CS: variants seen among roughly 807,000 people sequenced by gnomAD.
CS encodes the protein citrate synthase, mitochondrial.
In CS, 13 loss-of-function variants were observed where a neutral mutation model predicts 61.4. The observed-to-expected ratio is 0.21, with a 90% CI of 0.14 to 0.34. The LOEUF is 0.34. Ranked by LOEUF, CS falls within the 10% of genes least tolerant of loss-of-function variation. The probability of loss-of-function intolerance (pLI) is 1.00; values close to 1 mark genes in which losing one functional copy is unlikely to be tolerated. For missense variants in CS, 278 were observed against 573.4 expected, an observed-to-expected ratio of 0.48 and a Z score of 5.26; for synonymous variants, 159 against 215.2, an observed-to-expected ratio of 0.74 and a Z score of 2.29.
intron 1 of CS, among the ~76,000 whole-genome samples, chr12:56,287,423 A>C (rs1872971883): frequency 7.5e-6 from 1 of 133,532 alleles, no homozygotes. Context: ...CAGAGGTTGC[A>C]GTGAGCCAAG....
At chr12:56,273,911 G>T in intron 9 of CS, 115 bp from the exon 10 acceptor site, 2 of 871,328 alleles carry the variant, frequency 2.3e-6, no homozygotes, top group Non-Finnish European at 1.8e-6. Context: ...ACATCTCACG[G>T]CAGCCTCGAC....
At chr12:56,280,204 A>T (rs1361174643) in intron 6 of CS, among the ~76,000 whole-genome samples, 1 of 152,008 alleles carries the variant, frequency 6.6e-6, no homozygotes, top group East Asian at 1.9e-4. Context: ...TCACGAGGTC[A>T]GAGGTTCGAG....
At chr12:56,274,655 G>A in intron 9 of CS, 122 bp downstream of exon 9, 1 of 748,200 alleles carries the variant, frequency 1.3e-6, no homozygotes, top group Non-Finnish European at 2.1e-6. Context: ...ATTCTTCAAG[G>A]TAGATAAATG....
Position 56,271,937 on chromosome 12 carries a change from G to A in CS, c.*1147C>T, listed in dbSNP as rs1175205756. On this transcript the variant is annotated 3_prime_UTR_variant, in exon 11 of 11. Coordinates refer to ENST00000351328, the MANE Select transcript of CS (RefSeq NM_004077.3). ...GCATTCTGAGTTGCTGAAAACCTGT[G>A]CAAATGGGGCTTCTGAAACATTGTA... The A allele has an allele frequency of 2.2e-6, 1 of 455,934 alleles. No homozygotes were observed. The highest frequency in any genetic ancestry group is 4.4e-6 in the Non-Finnish European group (1 of 226,626). 28.2% of individuals were successfully genotyped at this position (455,934 alleles called of 1,614,324 possible).
In CS at chr12:56,295,299, G is replaced by A. The variant is rs1362512529; in HGVS notation, c.42+4861C>T. Among the ~76,000 whole-genome samples, 5 of 151,648 alleles carry A rather than the reference G, an allele frequency of 3.3e-5. No individual in the cohort carries two copies. The South Asian group carries it at 1.0e-3, about 32-fold the overall frequency. ...GCATTTTGGGAGGCTGAGGCGGGTG[G>A]ATCACGAGGTCAGGAGTTCAAGACC... On this transcript the variant is annotated intron_variant, in intron 1 of 10. Transcript: ENST00000351328.
Position 56,273,492 on chromosome 12 carries a change from C to A in CS, c.1230+95G>T, listed in dbSNP as rs1307106456. On this transcript the variant is annotated intron_variant, in intron 10 of 10. Coordinates refer to ENST00000351328, the MANE Select transcript of CS (RefSeq NM_004077.3). The stretch of plus-strand genomic sequence containing the variant: ...TATCAAAATGCTCTGTGAGGGAAGT[C>A]CCTGCTCTGACTAGGAGTTAATTGA... 11 of 1,278,792 alleles carry A rather than the reference C, an allele frequency of 8.6e-6. No homozygotes were observed. In the East Asian group the frequency reaches 2.5e-4, roughly 29 times the overall value. 79.2% of individuals were successfully genotyped at this position (1,278,792 alleles called of 1,614,324 possible). A position where few individuals can be genotyped will look rare whatever the true frequency, so the allele number is the denominator to read the frequency against.
intron 1 of CS, among the ~76,000 whole-genome samples, chr12:56,296,598 C>T (rs902848318): frequency 2.6e-5 from 4 of 152,208 alleles, no homozygotes; most frequent in African/African-American, 9.7e-5. Context: ...AGTATTGACA[C>T]AGGGCAGAAA....
chr12:56,286,521 T>C, intron 2 of CS, 74 bp downstream of exon 2: 2 of 1,352,756 alleles, frequency 1.5e-6, no homozygotes, highest in Non-Finnish European at 2.1e-6. Context: ...GGCCAGGTGG[T>C]TGCCAAATCC....
chr12:56,298,098 G>C (rs574960715), intron 1 of CS, among the ~76,000 whole-genome samples: 1 of 151,646 alleles, frequency 6.6e-6, no homozygotes, highest in Admixed American at 6.6e-5. Context: ...TCCTGGGTTT[G>C]AGCGATCCTC....
chr12:56,272,396 T>G lies in CS; in HGVS notation c.*688A>C, dbSNP rs1872539165. Reference sequence around the variant, plus strand: ...CATCCTCTGCCTGAGGTGCAACAGGTGTAGAAAGTCTGGGAGGAGGTGAGT... The same window carrying G: ...CATCCTCTGCCTGAGGTGCAACAGGGGTAGAAAGTCTGGGAGGAGGTGAGT... On this transcript the variant is annotated 3_prime_UTR_variant, in exon 11 of 11. Coordinates refer to ENST00000351328, the MANE Select transcript of CS (RefSeq NM_004077.3). 1 of 153,188 alleles carries G rather than the reference T, an allele frequency of 6.5e-6. No individual in the cohort carries two copies. The highest frequency in any genetic ancestry group is 6.5e-5 in the Admixed American group (1 of 15,356). The allele number at this position is 153,188 out of a possible 1,614,324, so 9.5% of individuals were successfully genotyped here.
intron 2 of CS, 83 bp downstream of exon 2, chr12:56,286,512 G>A: frequency 9.0e-7 from 1 of 1,106,682 alleles, no homozygotes; most frequent in Non-Finnish European, 1.4e-6. Context: ...ATAATAAGAG[G>A]CCAGGTGGTT....
chr12:56,283,740 C>A, intron 4 of CS, 52 bp downstream of exon 4: 1 of 1,383,186 alleles, frequency 7.2e-7, no homozygotes, highest in East Asian at 2.3e-5. Flanking sequence ...CCACGGTTTG[C>A]GTATTTGCAC....
At chr12:56,281,692 A>T (rs1872780775) in intron 6 of CS, among the ~76,000 whole-genome samples, 4 of 152,018 alleles carry the variant, frequency 2.6e-5, no homozygotes, top group Admixed American at 1.3e-4. Context: ...CTCCTTTTTT[A>T]TGTACAGATA....
At chr12:56,298,568 G>T (rs1466472161) in intron 1 of CS, 1 of 944,114 alleles carries the variant, frequency 1.1e-6, no homozygotes, top group Non-Finnish European at 1.3e-6. Flanking sequence ...CTGCCAAAAC[G>T]CTATCTAGAA....
chr12:56,284,427 A>C (rs1872873022), intron 3 of CS, among the ~76,000 whole-genome samples: 1 of 151,344 alleles, frequency 6.6e-6, no homozygotes, highest in African/African-American at 2.4e-5. Context: ...AGGGAAGATC[A>C]CTAAGCCTCT....
intron 1 of CS, among the ~76,000 whole-genome samples, chr12:56,290,370 C>T (rs988079373): frequency 6.6e-6 from 1 of 152,074 alleles, no homozygotes; most frequent in African/African-American, 2.4e-5. Flanking sequence ...CACCAACACA[C>T]CCGGCTAATT....
chr12:56,282,702 G>A (rs1415166037), intron 5 of CS, 94 bp from the exon 6 acceptor site: 2 of 1,522,284 alleles, frequency 1.3e-6, no homozygotes, highest in South Asian at 2.5e-5. Flanking sequence ...GAAAACCCAA[G>A]AGAGGTCAAC....
chr12:56,299,770 C>T (rs1873421066), intron 1 of CS: 5 of 225,666 alleles, frequency 2.2e-5, no homozygotes. Context: ...TCTTCACTCC[C>T]GCTCCCTCCA....
intron 1 of CS, among the ~76,000 whole-genome samples, chr12:56,295,876 C>A (rs1301316802): frequency 7.1e-6 from 1 of 141,696 alleles, no homozygotes; most frequent in African/African-American, 2.6e-5. Context: ...ATGGCGTGAA[C>A]CCCAGAGGCG....
Sources: gnomAD v4.1 joint callset for allele counts (sites outside exome capture counted in the v4.1 genomes callset) on GRCh38, gnomAD v4.1.1 for gene constraint, MANE v1.5 for transcripts, NCBI Gene and HGNC (gene_info 2026-07-23, HGNC 2026-07-21) for gene names.